The following SH3D21 variants were observed in gnomAD, a reference collection of about 807,000 sequenced individuals.
The protein encoded by SH3D21 is SH3 domain-containing protein 21.
In SH3D21, 83 loss-of-function variants were observed where a neutral mutation model predicts 82.1. The ratio of observed to expected loss-of-function variants is 1.01; its 90% CI spans 0.85 to 1.21. SH3D21 has a LOEUF of 1.21. SH3D21 is among the 50% of genes most tolerant of loss of function. The probability of loss-of-function intolerance (pLI) is 0.00; values close to 1 mark genes in which losing one functional copy is unlikely to be tolerated. For missense variants in SH3D21, 980 were observed against 962.1 expected (o/e 1.02, Z -0.25); for synonymous variants, 383 against 387.8 (o/e 0.99, Z 0.15).
At chr1:36,326,721 C>T (rs1646549319), downstream of SH3D21, among the ~76,000 whole-genome samples, 1 of 152,042 alleles carries the variant, frequency 6.6e-6, no homozygotes. Flanking sequence ...GAGGGCGGGG[C>T]CGGTGGAGAG....
chr1:36,322,217 G>A, downstream of SH3D21: 1 of 1,404,778 alleles, frequency 7.1e-7, no homozygotes, highest in Non-Finnish European at 9.3e-7. Flanking sequence ...GGCCGAGGCA[G>A]TCCGAAGGTG....
chr1:36,309,784 G>C (rs114083558), intron 10 of SH3D21, among the ~76,000 whole-genome samples, 194 bp downstream of exon 10: 11 of 152,174 alleles, frequency 7.2e-5, no homozygotes, highest in Non-Finnish European at 1.5e-4. Flanking sequence ...TAATATGTCA[G>C]TGTTGCTCTG....
In SH3D21 at chr1:36,321,268, G is replaced by A; in HGVS notation, c.*141G>A. ...TGGTCGCTGGGGGCGGGGCCTGCGC[G>A]GGGGCAGGGCCTGGGCCTCCGCATT... On this transcript the variant is annotated 3_prime_UTR_variant, in exon 16 of 16. Coordinates refer to ENST00000453908, the MANE Select transcript of SH3D21 (RefSeq NM_001162530.2). The surrounding 1 kb of genome is among the most constrained non-coding windows in gnomAD (Gnocchi z 6.1). The A allele has an allele frequency of 6.8e-7, 1 of 1,461,320 alleles. No homozygotes were observed. The highest frequency in any genetic ancestry group is 9.0e-7 in the Non-Finnish European group (1 of 1,110,568). 90.5% of individuals were successfully genotyped at this position (1,461,320 alleles called of 1,614,324 possible).
In SH3D21 at chr1:36,320,697, A is replaced by G. The variant is rs1353995966; in HGVS notation, c.2034A>G (p.Gln678=). The G allele has an allele frequency of 1.2e-6, 2 of 1,614,056 alleles. No individual in the cohort carries two copies. The highest frequency in any genetic ancestry group is 2.7e-5 in the African/African-American group (2 of 74,948). The change falls in exon 14 of 16, where the codon CAA becomes CAG. Residue 678 remains glutamine, a synonymous_variant. Transcript: ENST00000453908. ...ETLALPSLVP[Q]NYTENKNEGV... The stretch of plus-strand genomic sequence containing the variant: ...TCGCGCTCCCCTCGCTGGTCCCGCA[A>G]AACTACACGGAAAACAAGAATGAAG...
At chr1:36,310,111 C>T (rs945311575) in intron 10 of SH3D21, among the ~76,000 whole-genome samples, 17 of 151,974 alleles carry the variant, frequency 1.1e-4, no homozygotes, top group Non-Finnish European at 1.5e-4. Context: ...CCCGCCACCA[C>T]GCTCAGCTAA....
At position 36,308,108 on chromosome 1, in the gene SH3D21, G is replaced by C; in HGVS notation, c.539-1G>C. On this transcript the variant is annotated splice_acceptor_variant, in intron 7 of 15. Coordinates refer to ENST00000453908, the MANE Select transcript of SH3D21 (RefSeq NM_001162530.2). LOFTEE classifies it high-confidence loss of function. ...AGGACAGTGGACTGACCTCTTCCCA[G>C]TCTCCCACCCTGAGGTCTACAGGGT... 1 of 1,547,340 alleles carries C rather than the reference G, an allele frequency of 6.5e-7. No individual in the cohort carries two copies. The highest frequency in any genetic ancestry group is 8.7e-7 in the Non-Finnish European group (1 of 1,144,468).
At position 36,319,433 on chromosome 1, in the gene SH3D21, C is replaced by G. The variant is rs551591025; in HGVS notation, c.917-9C>G. 3.6e-5 allele frequency: 56 copies of G among 1,551,608 alleles called. No homozygotes were observed. Among genetic ancestry groups the G allele is most frequent in the Non-Finnish European group, 8.7e-7 (1 of 1,146,946 alleles). ...GTAGGCTTGGGTCCCTGAGGTTCTG[C>G]TCTCTTAGGCCCCAATGGTGGCTTC... On this transcript the variant is annotated splice_polypyrimidine_tract_variant and intron_variant, in intron 12 of 15. Transcript: ENST00000453908.
rs146666886 is a variant in SH3D21 at position 36,315,643 on chromosome 1, C to T, written c.770-3428C>T. On this transcript the variant is annotated intron_variant, in intron 10 of 15. Transcript: ENST00000453908. ...GGATTACAGGCGTGAACCACTGCAC[C>T]CGGCCTGTTGGATCATTTTTGTCCA... is the stretch of plus-strand genomic sequence containing the variant. 2.5e-3 allele frequency among the ~76,000 whole-genome samples: 386 copies of T among 152,246 alleles called. 2 individuals are homozygous for T. The highest frequency in any genetic ancestry group is 8.6e-3 in the African/African-American group (357 of 41,548).
chr1:36,318,488 G>A (rs1279985749), intron 10 of SH3D21, among the ~76,000 whole-genome samples: 2 of 152,126 alleles, frequency 1.3e-5, no homozygotes, highest in Non-Finnish European at 2.9e-5. Context: ...TTCTGAGAGT[G>A]GGCTGGGCGC....
At chr1:36,310,313 A>G (rs1452795833) in intron 10 of SH3D21, among the ~76,000 whole-genome samples, 1 of 152,194 alleles carries the variant, frequency 6.6e-6, no homozygotes, top group Non-Finnish European at 1.5e-5. Context: ...CACATATGTT[A>G]TAAAATTTAA....
chr1:36,323,170 C>G (rs950632535), downstream of SH3D21: 1 of 955,264 alleles, frequency 1.0e-6, no homozygotes, highest in African/African-American at 1.7e-5. Flanking sequence ...AGGTTCCACC[C>G]TGGAGAGAGC....
chr1:36,323,750 G>C (rs1015957584), downstream of SH3D21: 2 of 152,198 alleles, frequency 1.3e-5, no homozygotes, highest in Non-Finnish European at 2.9e-5. Context: ...CCCGGCCCGC[G>C]GGCCGTCCGT....
chr1:36,308,176 G>A lies in SH3D21; in HGVS notation c.606G>A (p.Leu202=). 3 of 1,547,934 alleles carry A rather than the reference G, an allele frequency of 1.9e-6. No individual in the cohort carries two copies. The highest frequency in any genetic ancestry group is 2.6e-6 in the Non-Finnish European group (3 of 1,145,060). The change falls in exon 8 of 16, where the codon CTG becomes CTA. Residue 202 remains leucine (L), a synonymous_variant. Transcript: ENST00000453908. The part of the protein sequence containing the change: ...YQPEAPDELA[L]RRGDVVKVLS... ...CTGAGGCCCCAGACGAGTTGGCGCTGCGGAGGGGGGACGTGGTAAAAGTAC... is the reference window on the plus strand; with the variant it reads ...CTGAGGCCCCAGACGAGTTGGCGCTACGGAGGGGGGACGTGGTAAAAGTAC...
intron 10 of SH3D21, among the ~76,000 whole-genome samples, chr1:36,315,997 T>C (rs1361770384): frequency 2.0e-5 from 3 of 152,252 alleles, no homozygotes; most frequent in Admixed American, 6.5e-5. Context: ...TGTCCTTTGT[T>C]GCATGCACAT....
downstream of SH3D21, chr1:36,327,704 G>A (rs1226933052): frequency 8.3e-7 from 1 of 1,205,206 alleles, no homozygotes; most frequent in Non-Finnish European, 1.1e-6. Context: ...ATTAACCAGA[G>A]TGCTGTCTTC....
downstream of SH3D21, chr1:36,322,219 C>A: frequency 7.1e-7 from 1 of 1,406,154 alleles, no homozygotes; most frequent in Non-Finnish European, 9.2e-7. Context: ...CCGAGGCAGT[C>A]CGAAGGTGTG....
downstream of SH3D21, chr1:36,322,791 G>C: frequency 2.6e-6 from 4 of 1,511,268 alleles, no homozygotes; most frequent in Non-Finnish European, 3.6e-6. Flanking sequence ...ACTTCCGAAA[G>C]ACCCCAGGTT....
At chr1:36,322,037 G>A, downstream of SH3D21, 3 of 1,304,322 alleles carry the variant, frequency 2.3e-6, no homozygotes, top group Non-Finnish European at 1.9e-6. Context: ...GAGTCACTGA[G>A]AATGCAGCTT....
chr1:36,318,285 G>C (rs1047165184), intron 10 of SH3D21, among the ~76,000 whole-genome samples: 1 of 152,146 alleles, frequency 6.6e-6, no homozygotes, highest in Non-Finnish European at 1.5e-5. Context: ...AGATTGGTTT[G>C]GGATATGTTA....
Sources: allele counts gnomAD v4.1 joint callset (sites outside exome capture counted in the v4.1 genomes callset), GRCh38; gene constraint gnomAD v4.1.1; non-coding constraint Gnocchi (gnomAD v3.1); transcripts MANE v1.5; gene names NCBI Gene and HGNC (gene_info 2026-07-23, HGNC 2026-07-21).